The following CHD7 variants were observed in gnomAD, a reference collection of about 807,000 sequenced individuals.
CHD7 encodes chromodomain helicase DNA binding protein 7.
Under a neutral mutation model 307.3 loss-of-function variants are expected in CHD7, and 24 were observed. The ratio of observed to expected loss-of-function variants is 0.08; its 90% CI spans 0.06 to 0.11. The LOEUF is 0.11. CHD7 is among the 10% of genes least tolerant of loss of function. The pLI is 1.00. For synonymous variants in CHD7, 1,363 were observed against 1,349.9 expected, an observed-to-expected ratio of 1.01 and a Z score of -0.21; for missense variants, 3,106 against 3,727.1, an observed-to-expected ratio of 0.83 and a Z score of 4.34.
rs748842029 is a variant in CHD7, at chr8:60,743,076, G to T, written c.1644G>T (p.Pro548=). 1.9e-6 allele frequency: 3 copies of T among 1,613,444 alleles called. No individual in the cohort carries two copies. The highest frequency in any genetic ancestry group is 2.5e-6 in the Non-Finnish European group (3 of 1,179,694). Residue 548 remains proline (P), a synonymous_variant, in exon 2 of 38, where the codon CCG becomes CCT. Transcript: ENST00000423902. ...TCCACCCATCACCCCAGAACACCCC[G>T]CAGAAAGTGCCTGTGCATCAGGTAA... The part of the protein sequence containing the change: ...AQLHPSPQNT[P]QKVPVHQHSP...
At position 60,856,563 on chromosome 8, in the gene CHD7, G is replaced by A. The variant is rs563360548; in HGVS notation, c.7283G>A (p.Arg2428Gln). The change falls in exon 34 of 38, where the codon CGA becomes CAA. Residue 2428 changes from arginine to glutamine, a missense_variant. By Grantham distance (43) the Arg-to-Gln change is conservative (BLOSUM62 1). Transcript: ENST00000423902. ...RNLMEMVAQL[R>Q]ESQVVSENGQ... ...CTCATGGAGATGGTTGCCCAGCTTC[G>A]AGAGTCTCAGGTGGTCTCAGAAAAT... 15 of 1,613,992 alleles carry A rather than the reference G, an allele frequency of 9.3e-6. No homozygotes were observed. The African/African-American group carries it at 9.3e-5, about 10-fold the overall frequency.
At chr8:60,803,105 T>G (rs1812387234) in intron 6 of CHD7, among the ~76,000 whole-genome samples, 1 of 152,222 alleles carries the variant, frequency 6.6e-6, no homozygotes, top group Admixed American at 6.5e-5. Flanking sequence ...GGTTGCATTT[T>G]TGTCCTACTA....
At chr8:60,836,571 G>A (rs1563643751) in intron 16 of CHD7, among the ~76,000 whole-genome samples, 1 of 152,080 alleles carries the variant, frequency 6.6e-6, no homozygotes, top group Non-Finnish European at 1.5e-5. Flanking sequence ...TACTGTTATA[G>A]GTGTCAGCTG....
At chr8:60,743,180 T>G in intron 2 of CHD7, 83 bp downstream of exon 2, 11 of 1,226,484 alleles carry the variant, frequency 9.0e-6, no homozygotes, top group Non-Finnish European at 1.2e-5. Context: ...TTCTTTAAAC[T>G]CTATGAAAAG....
rs1329129099 is a variant in CHD7 at position 60,854,404 on chromosome 8, A to G, written c.6817A>G (p.Asn2273Asp). 4 of 1,613,704 alleles carry G rather than the reference A, an allele frequency of 2.5e-6. No individual in the cohort carries two copies. The highest frequency in any genetic ancestry group is 3.3e-5 in the Admixed American group (2 of 59,992). Residue 2273 changes from asparagine to aspartate, a missense_variant, in exon 32 of 38, where the codon AAT (asparagine) becomes GAT (aspartate). Asn to Asp is a conservative substitution (Grantham distance 23). Transcript: ENST00000423902. ...AGGGAAGAATTTTGATGAAGAAAGC[A>G]ATGCTTCCATGAGCACTGCTAGAGA... ...SRGKNFDEESNASMSTARDET... is the reference protein window; with the variant it reads ...SRGKNFDEESDASMSTARDET...
intron 37 of CHD7, 61 bp from the exon 38 acceptor site, chr8:60,864,955 A>C: frequency 6.7e-7 from 1 of 1,487,376 alleles, no homozygotes; most frequent in Non-Finnish European, 9.1e-7. Flanking sequence ...AGAGGCTCAC[A>C]TTGAGATCAA....
intron 1 of CHD7, among the ~76,000 whole-genome samples, chr8:60,729,583 A>C (rs1307373264): frequency 6.6e-6 from 1 of 152,172 alleles, no homozygotes; most frequent in Non-Finnish European, 1.5e-5. Flanking sequence ...GACCATATAG[A>C]TGGGTGGGTG....
chr8:60,768,162 A>G (rs774114921), intron 2 of CHD7, among the ~76,000 whole-genome samples: 41 of 151,822 alleles, frequency 2.7e-4, no homozygotes, highest in Admixed American at 5.2e-4. Context: ...TACTTCCCCC[A>G]CCCCGTCTTA....
At chr8:60,709,577 T>C (rs1807184913) in intron 1 of CHD7, among the ~76,000 whole-genome samples, 1 of 152,200 alleles carries the variant, frequency 6.6e-6, no homozygotes, top group Non-Finnish European at 1.5e-5. Flanking sequence ...TACTTTTAAT[T>C]TATAGCATCA....
chr8:60,751,318 T>G (rs1809632339), intron 2 of CHD7, among the ~76,000 whole-genome samples: 1 of 152,194 alleles, frequency 6.6e-6, no homozygotes, highest in Non-Finnish European at 1.5e-5. Flanking sequence ...TTTCTTTCAC[T>G]TTTTTCTTCT....
intron 1 of CHD7, among the ~76,000 whole-genome samples, chr8:60,691,933 T>C (rs1381256425): frequency 3.3e-5 from 5 of 152,216 alleles, no homozygotes; most frequent in Non-Finnish European, 5.9e-5. Context: ...GGGTGCTTGT[T>C]AAAAATGCAG....
intron 1 of CHD7, among the ~76,000 whole-genome samples, chr8:60,697,045 T>C (rs1806516969): frequency 6.6e-6 from 1 of 152,206 alleles, no homozygotes; most frequent in African/African-American, 2.4e-5. Flanking sequence ...ACTGCACATT[T>C]AGCTCTCAGA....
chr8:60,766,092 G>T (rs1343462751), intron 2 of CHD7, among the ~76,000 whole-genome samples: 4 of 152,224 alleles, frequency 2.6e-5, no homozygotes, highest in Admixed American at 6.5e-5. Context: ...CATTCACCTA[G>T]AACTAACAGT....
At chr8:60,688,740 C>T (rs1283993443) in intron 1 of CHD7, among the ~76,000 whole-genome samples, 2 of 152,180 alleles carry the variant, frequency 1.3e-5, no homozygotes, top group Non-Finnish European at 2.9e-5. Flanking sequence ...CCCAAATCTG[C>T]AATTCTCCAA....
chr8:60,764,490 T>C (rs1323845581), intron 2 of CHD7, among the ~76,000 whole-genome samples: 1 of 152,202 alleles, frequency 6.6e-6, no homozygotes, highest in Admixed American at 6.5e-5. Flanking sequence ...AGCAGTACTT[T>C]TGTTTGGCAG....
intron 23 of CHD7, among the ~76,000 whole-genome samples, chr8:60,845,871 A>AT (rs1805189861): frequency 6.6e-6 from 1 of 152,248 alleles, no homozygotes; most frequent in South Asian, 2.1e-4. Context: ...TGTATCAATT[A>AT]AACAGTAACT....
chr8:60,683,113 G>C (rs890324687), intron 1 of CHD7, among the ~76,000 whole-genome samples: 1 of 152,244 alleles, frequency 6.6e-6, no homozygotes, highest in East Asian at 1.9e-4. Context: ...TCATGCGATT[G>C]GAAATTCAGA....
In CHD7 at chr8:60,865,550, A is replaced by G; in HGVS notation, c.8611A>G (p.Asn2871Asp). Residue 2871 changes from asparagine (N) to aspartate (D), a missense_variant, in exon 38 of 38, where the codon AAT becomes GAT. Asn to Asp is a conservative substitution (Grantham distance 23, BLOSUM62 1). Coordinates refer to ENST00000423902, the MANE Select transcript of CHD7 (RefSeq NM_017780.4). The surrounding 1 kb of genome is among the most constrained non-coding windows in gnomAD (Gnocchi z 4.3). ...TDAVSAADSA[N>D]GSVGAATAPA... is the part of the protein sequence containing the mutation. ...TGCTGTTTCGGCTGCTGACTCTGCG[A>G]ATGGATCTGTTGGTGCTGCTACTGC... 4.3e-6 allele frequency: 7 copies of G among 1,614,034 alleles called. No homozygotes were observed. Among genetic ancestry groups the G allele is most frequent in the Non-Finnish European group, 5.9e-6 (7 of 1,179,884 alleles).
intron 2 of CHD7, among the ~76,000 whole-genome samples, chr8:60,757,900 C>T (rs1475123374): frequency 6.6e-6 from 1 of 152,136 alleles, no homozygotes; most frequent in Non-Finnish European, 1.5e-5. Flanking sequence ...GTTCAGGTAA[C>T]TGCTTGTCTG....
Sources: gnomAD v4.1 joint callset for allele counts (sites outside exome capture counted in the v4.1 genomes callset) on GRCh38, gnomAD v4.1.1 for gene constraint, Gnocchi (gnomAD v3.1) non-coding constraint, MANE v1.5 for transcripts, NCBI Gene and HGNC (gene_info 2026-07-23, HGNC 2026-07-21) for gene names.